Variants in COL22A1 observed in about 807,000 individuals in gnomAD.
COL22A1 encodes collagen type XXII alpha 1 chain.
COL22A1 carries 221 observed loss-of-function variants against 248.9 expected under a neutral mutation model. The observed-to-expected ratio is 0.89, with a 90% CI of 0.80 to 0.99. COL22A1 has a LOEUF of 0.99. Among genes scored for constraint, COL22A1 ranks in the 50% least tolerant of loss-of-function variants. COL22A1 has a pLI of 0.00. For synonymous variants in COL22A1, 891 were observed against 793.4 expected (o/e 1.12, Z -2.07); for missense variants, 2,240 against 2,179.0 (o/e 1.03, Z -0.56).
At chr8:138,763,116 G>A (rs557405496) in intron 16 of COL22A1, among the ~76,000 whole-genome samples, 2 of 152,300 alleles carry the variant, frequency 1.3e-5, no homozygotes, top group South Asian at 4.1e-4. Flanking sequence ...CCTGGGCGTG[G>A]TGGCTCACAC....
At chr8:138,681,426 AGGT>A (rs1564186409) in intron 39 of COL22A1, among the ~76,000 whole-genome samples, 2 of 152,148 alleles carry the variant, frequency 1.3e-5, no homozygotes, top group African/African-American at 4.8e-5. Context: ...AGGGGAAAAA[AGGT>A]CTCCTACTGT....
chr8:138,813,979 CA>C (rs1818467764), intron 7 of COL22A1, among the ~76,000 whole-genome samples: 1 of 152,242 alleles, frequency 6.6e-6, no homozygotes, highest in Non-Finnish European at 1.5e-5. Context: ...GCCCCTTAAA[CA>C]AGACGTAACA....
chr8:138,811,030 T>C (rs1199784285), intron 9 of COL22A1, among the ~76,000 whole-genome samples: 2 of 152,262 alleles, frequency 1.3e-5, no homozygotes, highest in Admixed American at 6.5e-5. Context: ...CCCAGCACAG[T>C]TCTACTTGGC....
intron 12 of COL22A1, among the ~76,000 whole-genome samples, chr8:138,786,123 G>A (rs891685347): frequency 2.6e-5 from 4 of 152,142 alleles, no homozygotes; most frequent in African/African-American, 7.2e-5. Flanking sequence ...AATAGGGATC[G>A]TCAACCTAAC....
At chr8:138,821,084 C>T (rs1433366747) in intron 7 of COL22A1, 52 bp downstream of exon 7, 1 of 1,589,530 alleles carries the variant, frequency 6.3e-7, no homozygotes, top group Non-Finnish European at 8.6e-7. Context: ...GCTCCCAAGG[C>T]TTCTCCCCGG....
In COL22A1 at chr8:138,760,976, C is replaced by T. The variant is rs2131390205; in HGVS notation, c.1858-689G>A. On this transcript the variant is annotated intron_variant, in intron 17 of 64. Coordinates refer to ENST00000303045, the MANE Select transcript of COL22A1 (RefSeq NM_152888.3). ...CCAGGGAGGGCCTGGAGGGCAGCTG[C>T]ACAATCAATCTCCATCCATGGACAG... 2.0e-5 allele frequency among the ~76,000 whole-genome samples: 3 copies of T among 152,294 alleles called. No homozygotes were observed. The South Asian group carries it at 6.2e-4, about 32-fold the overall frequency.
In COL22A1 at chr8:138,616,923, G is replaced by C; in HGVS notation, c.3861C>G (p.Pro1287=). ...FKGHTGDSGA[P]GPRGESGAMG... ...TGAGGCGCCCACTTACCCGGGGACC[G>C]GGTGCACCAGAATCGCCTGTGTGTC... is the stretch of plus-strand genomic sequence containing the variant. The change falls in exon 54 of 65, where the codon CCC becomes CCG. Residue 1287 remains proline, a synonymous_variant. Coordinates refer to ENST00000303045, the MANE Select transcript of COL22A1 (RefSeq NM_152888.3). 1.9e-6 allele frequency: 3 copies of C among 1,614,138 alleles called. No homozygotes were observed. Among genetic ancestry groups the C allele is most frequent in the Non-Finnish European group, 2.5e-6 (3 of 1,180,026 alleles).
At chr8:138,720,433 G>T (rs956484909) in intron 27 of COL22A1, among the ~76,000 whole-genome samples, 1 of 151,904 alleles carries the variant, frequency 6.6e-6, no homozygotes, top group Admixed American at 6.6e-5. Context: ...AAGGGGGTGG[G>T]GGCTCTTTCC....
At chr8:138,630,846 A>G in intron 49 of COL22A1, 98 bp from the exon 50 acceptor site, 1 of 1,038,174 alleles carries the variant, frequency 9.6e-7, no homozygotes, top group Non-Finnish European at 1.5e-6. Context: ...ATGGTTGGTT[A>G]TCTGTCCCCT....
At chr8:138,783,002 T>G (rs1475945752) in intron 12 of COL22A1, among the ~76,000 whole-genome samples, 16 of 152,164 alleles carry the variant, frequency 1.1e-4, no homozygotes, top group Non-Finnish European at 1.8e-4. Flanking sequence ...CTGACTTACT[T>G]GTAAGTTGCT....
chr8:138,670,537 G>A (rs1014824495), intron 41 of COL22A1, among the ~76,000 whole-genome samples: 4 of 152,110 alleles, frequency 2.6e-5, no homozygotes, highest in South Asian at 2.1e-4. Flanking sequence ...TTGGGACAGC[G>A]TCAGTGGCTT....
Position 138,878,167 on chromosome 8 carries a change from G to T in COL22A1, c.241C>A (p.Arg81Ser), listed in dbSNP as rs760951376. Residue 81 changes from arginine to serine, a missense_variant, in exon 3 of 65, where the codon CGC (arginine) becomes AGC (serine). Coordinates refer to ENST00000303045, the MANE Select transcript of COL22A1 (RefSeq NM_152888.3). ...GPDRTRVGVV[R>S]YSDRPTTAFE... Reference sequence around the variant, plus strand: ...GCCGTGGTGGGCCGGTCGCTGTAGCGCACGACCCCCACACGGGTGCGGTCG... The same window carrying T: ...GCCGTGGTGGGCCGGTCGCTGTAGCTCACGACCCCCACACGGGTGCGGTCG... The T allele has an allele frequency of 2.5e-6, 4 of 1,604,642 alleles. No homozygotes were observed. Among genetic ancestry groups the T allele is most frequent in the East Asian group, 4.5e-5 (2 of 44,524 alleles).
chr8:138,679,463 C>A (rs1487076511), intron 40 of COL22A1, among the ~76,000 whole-genome samples, 154 bp downstream of exon 40: 1 of 152,142 alleles, frequency 6.6e-6, no homozygotes, highest in Non-Finnish European at 1.5e-5. Context: ...CATGCTATTT[C>A]CCCTTGTCTG....
chr8:138,620,366 C>A (rs1392561680), intron 52 of COL22A1: 1 of 150,036 alleles, frequency 6.7e-6, no homozygotes, highest in Non-Finnish European at 1.5e-5. Flanking sequence ...ATATGCAGCC[C>A]ATTATTGGGG....
intron 60 of COL22A1, among the ~76,000 whole-genome samples, chr8:138,601,555 C>T (rs943715088): frequency 1.3e-5 from 2 of 151,910 alleles, no homozygotes; most frequent in Non-Finnish European, 2.9e-5. Context: ...GAGCAGCAGT[C>T]GTGAGTGTGA....
At chr8:138,912,750 C>CA (rs34103668) in intron 1 of COL22A1, among the ~76,000 whole-genome samples, 15,924 of 142,610 alleles carry the variant, frequency 0.11, 934 homozygotes, top group African/African-American at 0.16. Context: ...AACTCGGCCT[C>CA]AAAAAAAAAA....
chr8:138,635,069 A>G lies in COL22A1; in HGVS notation c.3556-6T>C. 1 of 1,604,130 alleles carries G rather than the reference A, an allele frequency of 6.2e-7. No individual in the cohort carries two copies. The highest frequency in any genetic ancestry group is 1.1e-5 in the South Asian group (1 of 89,552). ...CCTGGAACTCCAGGATGACCCTAGG[A>G]AAACACAAGATGCAATTCTTTAAAA... On this transcript the variant is annotated splice_polypyrimidine_tract_variant and splice_region_variant and intron_variant, in intron 48 of 64. Coordinates refer to ENST00000303045, the MANE Select transcript of COL22A1 (RefSeq NM_152888.3).
chr8:138,649,466 TAAAGTGACA>T (rs1015427456), intron 46 of COL22A1, among the ~76,000 whole-genome samples, 190 bp downstream of exon 46: 1 of 152,170 alleles, frequency 6.6e-6, no homozygotes, highest in Admixed American at 6.5e-5. Context: ...AACATCTTCT[TAAAGTGACA>T]AAGACCCATA....
intron 12 of COL22A1, among the ~76,000 whole-genome samples, chr8:138,791,283 A>G (rs1816010388): frequency 6.6e-6 from 1 of 152,228 alleles, no homozygotes; most frequent in Non-Finnish European, 1.5e-5. Context: ...ACAGGAAGGC[A>G]GAGATATCCT....
Sources: allele counts gnomAD v4.1 joint callset (sites outside exome capture counted in the v4.1 genomes callset), GRCh38; gene constraint gnomAD v4.1.1; transcripts MANE v1.5; gene names NCBI Gene and HGNC (gene_info 2026-07-23, HGNC 2026-07-21).